MYRIP: variants seen among roughly 807,000 people sequenced by gnomAD.
MYRIP encodes rab effector MyRIP.
In MYRIP, 49 loss-of-function variants were observed where a neutral mutation model predicts 98.0. That is an observed-to-expected ratio of 0.50 (90% CI 0.40 to 0.63). The LOEUF (loss-of-function observed/expected upper bound fraction) is 0.63. Among genes scored for constraint, MYRIP ranks in the 30% least tolerant of loss-of-function variants. MYRIP has a pLI of 0.00. For synonymous variants in MYRIP, 404 were observed against 409.5 expected (o/e 0.99, Z 0.16); for missense variants, 1,004 against 1,058.2 (o/e 0.95, Z 0.71).
intron 2 of MYRIP, among the ~76,000 whole-genome samples, chr3:39,966,500 T>C (rs1423309496): frequency 6.6e-6 from 1 of 152,124 alleles, no homozygotes; most frequent in African/African-American, 2.4e-5. Context: ...CAGCAGGAAA[T>C]AGTACACCCA....
At chr3:40,068,079 C>T (rs1043827481) in intron 3 of MYRIP, among the ~76,000 whole-genome samples, 5 of 152,106 alleles carry the variant, frequency 3.3e-5, no homozygotes, top group African/African-American at 7.2e-5. Context: ...ATTTTTATTT[C>T]GCAGCTATAG....
At chr3:40,043,968 G>A in intron 2 of MYRIP, 82 bp from the exon 3 acceptor site, 3 of 1,323,574 alleles carry the variant, frequency 2.3e-6, no homozygotes, top group South Asian at 1.4e-5. Flanking sequence ...GGGAGGGACA[G>A]GGTGCATGCT....
At chr3:39,870,886 C>T (rs773094216) in intron 1 of MYRIP, among the ~76,000 whole-genome samples, 8 of 152,108 alleles carry the variant, frequency 5.3e-5, no homozygotes, top group Non-Finnish European at 1.0e-4. Flanking sequence ...TAGTTCATGA[C>T]GTAGTGACTG....
chr3:40,022,445 T>A (rs138916152), intron 2 of MYRIP, among the ~76,000 whole-genome samples: 36 of 152,274 alleles, frequency 2.4e-4, no homozygotes, highest in African/African-American at 8.4e-4. Context: ...TGGCACAGCA[T>A]GTGGAGGAAA....
intron 2 of MYRIP, among the ~76,000 whole-genome samples, chr3:39,931,542 A>G (rs1158890187): frequency 2.6e-5 from 4 of 151,672 alleles, no homozygotes; most frequent in Non-Finnish European, 5.9e-5. Flanking sequence ...CAGGATCTCC[A>G]GTACAATACT....
chr3:39,827,072 A>G (rs1186875543), intron 1 of MYRIP, among the ~76,000 whole-genome samples: 1 of 152,014 alleles, frequency 6.6e-6, no homozygotes, highest in Non-Finnish European at 1.5e-5. Flanking sequence ...AGTTTCTTGT[A>G]TACAGCATAT....
intron 11 of MYRIP, among the ~76,000 whole-genome samples, chr3:40,211,379 A>T (rs2125668035): frequency 6.6e-6 from 1 of 152,258 alleles, no homozygotes; most frequent in East Asian, 1.9e-4. Context: ...GATGAAGTGA[A>T]GACCATTACC....
intron 2 of MYRIP, among the ~76,000 whole-genome samples, chr3:40,021,963 G>A (rs148629807): frequency 3.9e-5 from 6 of 152,184 alleles, no homozygotes; most frequent in Admixed American, 1.3e-4. Flanking sequence ...GACACAAAGC[G>A]GAAAGTTTTG....
intron 3 of MYRIP, among the ~76,000 whole-genome samples, chr3:40,060,596 T>TGAGAGAGAGAGAGAGAGAGAGAGAGA (rs35495297): frequency 0.075 from 10,345 of 137,786 alleles, 613 homozygotes; most frequent in Non-Finnish European, 0.1. Flanking sequence ...TTTCTTTTTT[T>TGAGAGAGAGAGAGAGAGAGAGAGAGA]GAGAGAGAGA....
Position 39,874,307 on chromosome 3 carries a change from C to G in MYRIP, c.-30-26480C>G, listed in dbSNP as rs1039965632. On this transcript the variant is annotated intron_variant, in intron 1 of 16. Transcript: ENST00000302541. The stretch of plus-strand genomic sequence containing the variant: ...GCAAACAGGGACAATTTGACTTCCT[C>G]TTTTCCTAATTGAATACCCTTTATT... Among the ~76,000 whole-genome samples, 11 of 151,972 alleles carry G rather than the reference C, an allele frequency of 7.2e-5. 1 individual carries two copies. The highest frequency in any genetic ancestry group is 2.6e-4 in the Admixed American group (4 of 15,264).
chr3:40,054,128 A>C (rs1453959541), intron 3 of MYRIP, among the ~76,000 whole-genome samples: 1 of 152,162 alleles, frequency 6.6e-6, no homozygotes, highest in African/African-American at 2.4e-5. Context: ...GAATGATTGA[A>C]TCCTTAGAAG....
At chr3:40,241,698 T>C (rs2125710319) in intron 12 of MYRIP, among the ~76,000 whole-genome samples, 1 of 152,312 alleles carries the variant, frequency 6.6e-6, no homozygotes, top group South Asian at 2.1e-4. Flanking sequence ...TGAGAAAGCC[T>C]TGTTGAACCA....
chr3:40,067,150 A>G (rs1948141603), intron 3 of MYRIP, among the ~76,000 whole-genome samples: 1 of 152,250 alleles, frequency 6.6e-6, no homozygotes, highest in Non-Finnish European at 1.5e-5. Context: ...AGATTATTAA[A>G]GTTGAGAATA....
At chr3:40,171,476 G>C (rs1375800131) in intron 8 of MYRIP, among the ~76,000 whole-genome samples, 1 of 152,082 alleles carries the variant, frequency 6.6e-6, no homozygotes, top group African/African-American at 2.4e-5. Flanking sequence ...TTGCATTTGG[G>C]GTCTTTCTGA....
intron 2 of MYRIP, among the ~76,000 whole-genome samples, chr3:39,919,564 T>G (rs1944252203): frequency 6.6e-6 from 1 of 152,188 alleles, no homozygotes; most frequent in African/African-American, 2.4e-5. Flanking sequence ...GGTACCAGTT[T>G]TATCCAATTG....
intron 2 of MYRIP, among the ~76,000 whole-genome samples, chr3:39,927,840 A>G (rs981728713): frequency 6.6e-6 from 1 of 152,066 alleles, no homozygotes; most frequent in African/African-American, 2.4e-5. Context: ...ATTTACCACA[A>G]TCAGGTAGGC....
At chr3:39,937,613 G>A (rs969549233) in intron 2 of MYRIP, among the ~76,000 whole-genome samples, 13 of 152,222 alleles carry the variant, frequency 8.5e-5, no homozygotes, top group Admixed American at 8.5e-4. Context: ...GCCCAAATAA[G>A]AAGGGAGCTT....
At chr3:39,995,641 A>G (rs1383763498) in intron 2 of MYRIP, among the ~76,000 whole-genome samples, 2 of 152,254 alleles carry the variant, frequency 1.3e-5, no homozygotes, top group African/African-American at 4.8e-5. Context: ...AACTTCCCCA[A>G]TCTAGCAAGG....
chr3:39,974,488 A>G (rs1428340253), intron 2 of MYRIP, among the ~76,000 whole-genome samples: 1 of 152,230 alleles, frequency 6.6e-6, no homozygotes, highest in African/African-American at 2.4e-5. Flanking sequence ...AGGAGCTAGT[A>G]CCATTCCTTC....
Sources: allele counts gnomAD v4.1 joint callset (sites outside exome capture counted in the v4.1 genomes callset), GRCh38; gene constraint gnomAD v4.1.1; transcripts MANE v1.5; gene names NCBI Gene and HGNC (gene_info 2026-07-23, HGNC 2026-07-21).